Variants in CHRNA10 observed in about 807,000 individuals in gnomAD.
CHRNA10 encodes neuronal acetylcholine receptor subunit alpha-10.
CHRNA10 carries 31 observed loss-of-function variants against 36.0 expected under a neutral mutation model. The observed-to-expected ratio is 0.86, with a 90% CI of 0.65 to 1.16. The LOEUF is 1.16. Ranked by LOEUF, CHRNA10 falls within the 50% of genes most tolerant of loss-of-function variation. The pLI is 0.00. For missense variants in CHRNA10, 648 were observed against 640.9 expected, an observed-to-expected ratio of 1.01 and a Z score of -0.12; for synonymous variants, 302 against 287.0, an observed-to-expected ratio of 1.05 and a Z score of -0.53.
Position 3,669,327 on chromosome 11 carries a change from G to T in CHRNA10, c.231C>A (p.Thr77=), listed in dbSNP as rs757345997. ...IDMDERNQVL[T]LYLWIRQEWT... is the part of the protein sequence containing the mutation. ...ACTCCTGCCGTATCCACAGATACAG[G>T]GTCAGCACCTGGTTCCGTTCATCCT... The change falls in exon 3 of 5, where the codon ACC becomes ACA. Residue 77 remains threonine (T), a synonymous_variant. Transcript: ENST00000250699. 6.2e-7 allele frequency: 1 copy of T among 1,613,958 alleles called. No individual in the cohort carries two copies. The highest frequency in any genetic ancestry group is 8.5e-7 in the Non-Finnish European group (1 of 1,179,916).
chr11:3,670,004 C>G, intron 1 of CHRNA10, 63 bp from the exon 2 acceptor site: 2 of 1,583,280 alleles, frequency 1.3e-6, no homozygotes, highest in South Asian at 1.1e-5. Context: ...CTGCTCACAC[C>G]CTCCACTCCC....
At position 3,669,265 on chromosome 11, in the gene CHRNA10, T is replaced by G. The variant is rs990814116; in HGVS notation, c.293A>C (p.Tyr98Ser). Reference sequence around the variant, plus strand: ...GATGCGGATGGCATCCAGGCCACCATAGGCATTGGGGTCCCATCGTAGGTA... The same window carrying G: ...GATGCGGATGGCATCCAGGCCACCAGAGGCATTGGGGTCCCATCGTAGGTA... ...DAYLRWDPNAYGGLDAIRIPS... is the reference protein window; with the variant it reads ...DAYLRWDPNASGGLDAIRIPS... Residue 98 changes from tyrosine (Y) to serine (S), a missense_variant, in exon 3 of 5, where the codon TAT becomes TCT. Coordinates refer to ENST00000250699, the MANE Select transcript of CHRNA10 (RefSeq NM_020402.4). The G allele has an allele frequency of 1.9e-6, 3 of 1,613,938 alleles. No homozygotes were observed. The African/African-American group carries it at 4.0e-5, about 22-fold the overall frequency.
At chr11:3,667,907 A>G in intron 3 of CHRNA10, 143 bp from the exon 4 acceptor site, 1 of 723,202 alleles carries the variant, frequency 1.4e-6, no homozygotes. Flanking sequence ...AGTTCGAGAC[A>G]CTCACGACGC....
At position 3,665,936 on chromosome 11, in the gene CHRNA10, G is replaced by T; in HGVS notation, c.*171C>A. 1 of 559,428 alleles carries T rather than the reference G, an allele frequency of 1.8e-6. No homozygotes were observed. Among genetic ancestry groups the T allele is most frequent in the Non-Finnish European group, 3.1e-6 (1 of 327,620 alleles). 34.7% of individuals were successfully genotyped at this position (559,428 alleles called of 1,614,324 possible). On this transcript the variant is annotated 3_prime_UTR_variant, in exon 5 of 5. Transcript: ENST00000250699. ...CAGGCTCTGGACTTCCTTTAGTTAG[G>T]GTGTGTAGACAATGAGTGCTCCCTT...
Position 3,666,034 on chromosome 11 carries a change from A to G in CHRNA10, c.*73T>C. 1 of 1,363,368 alleles carries G rather than the reference A, an allele frequency of 7.3e-7. No individual in the cohort carries two copies. The highest frequency in any genetic ancestry group is 9.8e-7 in the Non-Finnish European group (1 of 1,019,584). 84.5% of individuals were successfully genotyped at this position (1,363,368 alleles called of 1,614,324 possible). On this transcript the variant is annotated 3_prime_UTR_variant, in exon 5 of 5. Coordinates refer to ENST00000250699, the MANE Select transcript of CHRNA10 (RefSeq NM_020402.4). ...AGACTGGCTGGCCCAAAGACCAGCA[A>G]CCACTTGGCCGTGGCTGTCCCTTTC...
Position 3,666,427 on chromosome 11 carries a change from C to T in CHRNA10, c.1033G>A (p.Ala345Thr), listed in dbSNP as rs372273505. 1.7e-5 allele frequency: 28 copies of T among 1,613,826 alleles called. No individual in the cohort carries two copies. The highest frequency in any genetic ancestry group is 2.4e-5 in the Non-Finnish European group (28 of 1,179,932). Residue 345 changes from alanine to threonine, a missense_variant, in exon 5 of 5, where the codon GCA becomes ACA. Ala to Thr is a moderately conservative substitution (Grantham distance 58). Transcript: ENST00000250699. ...WARALLLGHL[A>T]RGLCVRERGE... ...CTTTCCCGCACGCACAGGCCCCGTG[C>T]CAGGTGTCCCAGCAGGAGGGCCCTA... is the stretch of plus-strand genomic sequence containing the variant.
At chr11:3,668,339 T>C (rs1005763660) in intron 3 of CHRNA10, among the ~76,000 whole-genome samples, 3 of 152,022 alleles carry the variant, frequency 2.0e-5, no homozygotes, top group South Asian at 2.1e-4. Context: ...CGGTGAAACC[T>C]CGTCTGTACT....
intron 2 of CHRNA10, 40 bp from the exon 3 acceptor site, chr11:3,669,390 A>T: frequency 6.2e-7 from 1 of 1,600,266 alleles, no homozygotes; most frequent in Non-Finnish European, 8.5e-7. Context: ...GGACATGTAT[A>T]TGCATATCCT....
chr11:3,666,103 G>T lies in CHRNA10; in HGVS notation c.*4C>A. ...AGCAGATCCCTGTGACTTAGTCCCA[G>T]CCCTCACAGGGCCTGCACCAGCACC... On this transcript the variant is annotated 3_prime_UTR_variant, in exon 5 of 5. Transcript: ENST00000250699. 6.5e-7 allele frequency: 1 copy of T among 1,532,010 alleles called. No homozygotes were observed. The highest frequency in any genetic ancestry group is 1.4e-5 in the African/African-American group (1 of 72,434). 94.9% of individuals were successfully genotyped at this position (1,532,010 alleles called of 1,614,324 possible).
At position 3,667,451 on chromosome 11, in the gene CHRNA10, C is replaced by T. The variant is rs2077673498; in HGVS notation, c.676G>A (p.Val226Ile). The T allele has an allele frequency of 1.9e-6, 3 of 1,594,974 alleles. No individual in the cohort carries two copies. Among genetic ancestry groups the T allele is most frequent in the East Asian group, 2.2e-5 (1 of 44,462 alleles). The stretch of plus-strand genomic sequence containing the variant: ...CGGCGCAGCAGCAGCGTGAAGGTGA[C>T]GTCGGGGTAGGGCTCGGAGCAGCAG... Reference protein sequence around the residue: ...YGCCSEPYPDVTFTLLLRRRA... With the variant: ...YGCCSEPYPDITFTLLLRRRA... The change falls in exon 4 of 5, where the codon GTC (valine) becomes ATC (isoleucine). Residue 226 changes from valine to isoleucine, a missense_variant. By Grantham distance (29) the Val-to-Ile change is conservative (BLOSUM62 3). Coordinates refer to ENST00000250699, the MANE Select transcript of CHRNA10 (RefSeq NM_020402.4).
In CHRNA10 at chr11:3,671,327, AAGAGCGGGGGCAGG is replaced by A. The variant is rs771412296; in HGVS notation, c.-29_-16del. The A allele has an allele frequency of 3.1e-6, 5 of 1,613,804 alleles. No individual in the cohort carries two copies. In the South Asian group the frequency reaches 5.5e-5, roughly 18 times the overall value. ...CGGAGCCCCATGGCCCTGGCACTGC[AAGAGCGGGGGCAGG>A]TCTCTGGATGTGAGGCCTCCTGGCC... is the stretch of plus-strand genomic sequence containing the variant. On this transcript the variant is annotated 5_prime_UTR_variant, in exon 1 of 5. In the 5' UTR this introduces an upstream ATG that the reference lacks. Coordinates refer to ENST00000250699, the MANE Select transcript of CHRNA10 (RefSeq NM_020402.4).
chr11:3,668,286 G>T (rs1330338405), intron 3 of CHRNA10, among the ~76,000 whole-genome samples: 4 of 152,262 alleles, frequency 2.6e-5, no homozygotes, highest in African/African-American at 9.6e-5. Context: ...GGCCGAGGTG[G>T]GCGGATCACG....
chr11:3,670,478 CTTTTTCTTCATCCCAGA>C (rs1364927218), intron 1 of CHRNA10, among the ~76,000 whole-genome samples: 1 of 152,184 alleles, frequency 6.6e-6, no homozygotes. Flanking sequence ...TGGCTCCCAT[CTTTTTCTTCATCCCAGA>C]TTTTTCTCCT....
chr11:3,667,313 CG>C lies in CHRNA10; in HGVS notation c.813del (p.Val272SerfsTer35). ...PADSGEKVSL[G>X]VTVLLALTVF... is the part of the protein sequence containing the mutation. ...ACGGTGAGCGCCAGCAGCACGGTGA[CG>C]CCCAGCGACACCTTCTCGCCTGAGT... On this transcript the variant is annotated frameshift_variant, in exon 4 of 5. Transcript: ENST00000250699. LOFTEE classifies it high-confidence loss of function. 6.3e-7 allele frequency: 1 copy of C among 1,598,946 alleles called. No individual in the cohort carries two copies. The highest frequency in any genetic ancestry group is 8.5e-7 in the Non-Finnish European group (1 of 1,178,078).
intron 4 of CHRNA10, 121 bp from the exon 5 acceptor site, chr11:3,666,685 C>T: frequency 1.4e-6 from 1 of 731,746 alleles, no homozygotes; most frequent in Non-Finnish European, 2.2e-6. Flanking sequence ...CCTCCAAGCC[C>T]CATGGATGGA....
In CHRNA10 at chr11:3,666,267, T is replaced by C; in HGVS notation, c.1193A>G (p.His398Arg). Residue 398 changes from histidine (H) to arginine (R), a missense_variant, in exon 5 of 5, where the codon CAC becomes CGC. By Grantham distance (29) the His-to-Arg change is conservative. Coordinates refer to ENST00000250699, the MANE Select transcript of CHRNA10 (RefSeq NM_020402.4). Reference protein sequence around the residue: ...CLCRQEALLHHVATIANTFRS... With the variant: ...CLCRQEALLHRVATIANTFRS... ...GAAGGTATTGGCAATGGTGGCTACG[T>C]GGTGCAGTAGGGCTTCCTGGCGGCA... 2 of 1,614,032 alleles carry C rather than the reference T, an allele frequency of 1.2e-6. No individual in the cohort carries two copies. The highest frequency in any genetic ancestry group is 2.2e-5 in the East Asian group (1 of 44,882).
At position 3,669,947 on chromosome 11, in the gene CHRNA10, G is replaced by A. The variant is rs200218441; in HGVS notation, c.62-6C>T. 270 of 1,613,964 alleles carry A rather than the reference G, an allele frequency of 1.7e-4. No homozygotes were observed. The highest frequency in any genetic ancestry group is 2.2e-4 in the Non-Finnish European group (259 of 1,179,984). On this transcript the variant is annotated splice_region_variant and splice_polypyrimidine_tract_variant and intron_variant, in intron 1 of 4. Transcript: ENST00000250699. ...GCCCTCAGCTCCCAGGCACTCTGGA[G>A]GGTCAGTAAGGAGGGTTGTCCATCC...
At chr11:3,667,802 A>G in intron 3 of CHRNA10, 38 bp from the exon 4 acceptor site, 1 of 1,431,802 alleles carries the variant, frequency 7.0e-7, no homozygotes, top group Non-Finnish European at 9.1e-7. Context: ...TAGGCTGTCC[A>G]GCCTGAGGAG....
Position 3,671,259 on chromosome 11 carries a change from G to A in CHRNA10, c.54C>T (p.Leu18=), listed in dbSNP as rs1169333179. The part of the protein sequence containing the change: ...LSLGLLLLFL[L]PAECLGAEGR... Reference sequence around the variant, plus strand: ...GTGTACTGAGCTTCATACCTGCAGGGAGTAGAAACAGAAGCAGAAGGCCCA... The same window carrying A: ...GTGTACTGAGCTTCATACCTGCAGGAAGTAGAAACAGAAGCAGAAGGCCCA... Residue 18 remains leucine (L), a synonymous_variant, in exon 1 of 5, where the codon CTC becomes CTT. Transcript: ENST00000250699. 6.2e-7 allele frequency: 1 copy of A among 1,614,110 alleles called. No individual in the cohort carries two copies.
Sources: gnomAD v4.1 joint callset for allele counts (sites outside exome capture counted in the v4.1 genomes callset) on GRCh38, gnomAD v4.1.1 for gene constraint, MANE v1.5 for transcripts, NCBI Gene and HGNC (gene_info 2026-07-23, HGNC 2026-07-21) for gene names.